SLC24A2: variants seen among roughly 807,000 people sequenced by gnomAD.
The protein encoded by SLC24A2 is sodium/potassium/calcium exchanger 2.
SLC24A2 carries 36 observed loss-of-function variants against 62.0 expected under a neutral mutation model. The ratio of observed to expected loss-of-function variants is 0.58; its 90% CI spans 0.44 to 0.77. The LOEUF (loss-of-function observed/expected upper bound fraction) is 0.77. Among genes scored for constraint, SLC24A2 ranks in the 30% least tolerant of loss-of-function variants. The pLI, the probability that SLC24A2 is intolerant of heterozygous loss-of-function variation, is 0.00. For missense variants in SLC24A2, 846 were observed against 817.9 expected (o/e 1.03, Z -0.42); for synonymous variants, 358 against 294.0 (o/e 1.22, Z -2.23).
chr9:20,075,217 G>A, the SLC24A2 span, among the ~76,000 whole-genome samples: 2 of 152,302 alleles, frequency 1.3e-5, no homozygotes, highest in Admixed American at 6.5e-5. Flanking sequence ...TGATAAAACT[G>A]TCAGCCAGTG....
At chr9:19,758,647 G>A (rs1183188205) in intron 2 of SLC24A2, among the ~76,000 whole-genome samples, 1 of 152,162 alleles carries the variant, frequency 6.6e-6, no homozygotes, top group Non-Finnish European at 1.5e-5. Context: ...TAGGAGTAGT[G>A]TATATTTGAA....
chr9:19,913,777 C>G, the SLC24A2 span, among the ~76,000 whole-genome samples: 2 of 152,128 alleles, frequency 1.3e-5, no homozygotes, highest in Non-Finnish European at 2.9e-5. Flanking sequence ...TATGACTCCA[C>G]AAATCTACAT....
the SLC24A2 span, among the ~76,000 whole-genome samples, chr9:20,274,716 G>A: frequency 6.6e-6 from 1 of 152,140 alleles, no homozygotes; most frequent in Non-Finnish European, 1.5e-5. Context: ...TTACAATGAT[G>A]ACAGAAGAAG....
At chr9:19,990,468 G>A in the SLC24A2 span, among the ~76,000 whole-genome samples, 6 of 151,688 alleles carry the variant, frequency 4.0e-5, no homozygotes, top group Middle Eastern at 3.2e-3. Flanking sequence ...AAAATTAGCC[G>A]GGCATGGTGG....
rs1216564510 is a variant in SLC24A2, at chr9:19,786,358, A to G, written c.509T>C (p.Ile170Thr). 1 of 1,614,192 alleles carries G rather than the reference A, an allele frequency of 6.2e-7. No individual in the cohort carries two copies. The highest frequency in any genetic ancestry group is 1.1e-5 in the South Asian group (1 of 91,086). Residue 170 changes from isoleucine to threonine, a missense_variant, in exon 2 of 11, where the codon ATC (isoleucine) becomes ACC (threonine). Coordinates refer to ENST00000341998, the MANE Select transcript of SLC24A2 (RefSeq NM_020344.4). The surrounding 1 kb of genome is among the most constrained non-coding windows in gnomAD (Gnocchi z 5.0). ...SLTVITEKLG[I>T]SDDVAGATFM... Reference sequence around the variant, plus strand: ...GGTGGCTCCAGCCACATCATCAGAGATGCCCAGTTTTTCAGTGATGACAGT... The same window carrying G: ...GGTGGCTCCAGCCACATCATCAGAGGTGCCCAGTTTTTCAGTGATGACAGT...
chr9:19,767,458 T>G (rs1822551413), intron 2 of SLC24A2, among the ~76,000 whole-genome samples: 1 of 152,224 alleles, frequency 6.6e-6, no homozygotes, highest in Non-Finnish European at 1.5e-5. Flanking sequence ...TCTCCTGGTC[T>G]GCGGGTTGTG....
chr9:20,295,010 C>A, the SLC24A2 span, among the ~76,000 whole-genome samples: 1 of 150,908 alleles, frequency 6.6e-6, no homozygotes, highest in Non-Finnish European at 1.5e-5. Flanking sequence ...CAAAACATAT[C>A]TGTATCTGTG....
chr9:20,122,619 G>A, the SLC24A2 span, among the ~76,000 whole-genome samples: 2 of 152,158 alleles, frequency 1.3e-5, no homozygotes, highest in South Asian at 4.2e-4. Context: ...CCAGGAAGCA[G>A]AGATTGCAGT....
At chr9:19,977,152 A>G in the SLC24A2 span, among the ~76,000 whole-genome samples, 1 of 123,824 alleles carries the variant, frequency 8.1e-6, no homozygotes, top group Non-Finnish European at 1.8e-5. Context: ...TGTGTGTATG[A>G]GAGACAGAGA....
chr9:19,743,669 G>A (rs1051379094), intron 2 of SLC24A2, among the ~76,000 whole-genome samples: 2 of 152,142 alleles, frequency 1.3e-5, no homozygotes, highest in Non-Finnish European at 2.9e-5. Context: ...TACTTGCTAA[G>A]TAAATTATTT....
At chr9:20,159,027 C>T in the SLC24A2 span, among the ~76,000 whole-genome samples, 1 of 151,578 alleles carries the variant, frequency 6.6e-6, no homozygotes, top group Admixed American at 6.6e-5. Context: ...ATTAGGCTTA[C>T]TTACATTCGA....
At chr9:20,297,752 C>T in the SLC24A2 span, among the ~76,000 whole-genome samples, 1 of 152,226 alleles carries the variant, frequency 6.6e-6, no homozygotes, top group East Asian at 1.9e-4. Flanking sequence ...GCACAGCAGA[C>T]TTTGATGGCC....
the SLC24A2 span, among the ~76,000 whole-genome samples, chr9:20,284,304 G>A: frequency 2.0e-5 from 3 of 151,644 alleles, no homozygotes; most frequent in Admixed American, 1.3e-4. Flanking sequence ...AAGAGATGGG[G>A]TTTCACTCTG....
At chr9:20,285,644 A>T in the SLC24A2 span, among the ~76,000 whole-genome samples, 80 of 152,330 alleles carry the variant, frequency 5.3e-4, no homozygotes, top group African/African-American at 1.9e-3. Context: ...AATCTCATCC[A>T]AAGTCACCTC....
chr9:19,935,417 A>AC, the SLC24A2 span, among the ~76,000 whole-genome samples: 18 of 152,016 alleles, frequency 1.2e-4, no homozygotes, highest in South Asian at 4.2e-4. Context: ...AACAAAAAAA[A>AC]CCCAGCACTT....
At chr9:19,688,054 G>C (rs1433879021) in intron 2 of SLC24A2, among the ~76,000 whole-genome samples, 1 of 152,068 alleles carries the variant, frequency 6.6e-6, no homozygotes, top group Non-Finnish European at 1.5e-5. Flanking sequence ...CTCTGTGAAG[G>C]CTCCTCTCAG....
intron 8 of SLC24A2, among the ~76,000 whole-genome samples, chr9:19,542,347 A>G (rs1320941123): frequency 6.6e-6 from 1 of 152,184 alleles, no homozygotes; most frequent in Non-Finnish European, 1.5e-5. Flanking sequence ...GGGCTGGGAC[A>G]ATAGAGTTTT....
intron 2 of SLC24A2, among the ~76,000 whole-genome samples, chr9:19,680,701 T>C (rs1054293017): frequency 4.6e-5 from 7 of 152,052 alleles, no homozygotes; most frequent in African/African-American, 1.7e-4. Context: ...TCAGATTTAC[T>C]TATTTTAAGG....
At chr9:20,060,310 C>T in the SLC24A2 span, among the ~76,000 whole-genome samples, 2 of 152,054 alleles carry the variant, frequency 1.3e-5, no homozygotes, top group Non-Finnish European at 2.9e-5. Flanking sequence ...TTCCAAAAAG[C>T]CAGCTTTATT....
Sources: allele counts gnomAD v4.1 joint callset (sites outside exome capture counted in the v4.1 genomes callset), GRCh38; gene constraint gnomAD v4.1.1; non-coding constraint Gnocchi (gnomAD v3.1); transcripts MANE v1.5; gene names NCBI Gene and HGNC (gene_info 2026-07-23, HGNC 2026-07-21).